The following CSMD2 variants were observed in gnomAD, a reference collection of about 807,000 sequenced individuals.
CSMD2 encodes the protein CUB and sushi domain-containing protein 2.
CSMD2 carries 130 observed loss-of-function variants against 398.5 expected under a neutral mutation model. The ratio of observed to expected loss-of-function variants is 0.33; its 90% confidence interval spans 0.28 to 0.38. CSMD2 has a LOEUF of 0.38. Ranked by LOEUF, CSMD2 falls within the 10% of genes least tolerant of loss-of-function variation. The probability of loss-of-function intolerance (pLI) is 1.00; values close to 1 mark genes in which losing one functional copy is unlikely to be tolerated. For missense variants in CSMD2, 3,829 were observed against 4,764.9 expected (o/e 0.80, Z 5.78); for synonymous variants, 1,828 against 1,908.5 (o/e 0.96, Z 1.10).
chr1:33,938,335 T>C lies in CSMD2; in HGVS notation c.518-2381A>G, dbSNP rs187881431. ...ATTCCCCTGCTGCTGGCTTGCCTGG[T>C]GTTTCCCATGATCCTGTACTGCTGC... On this transcript the variant is annotated intron_variant, in intron 3 of 70. Transcript: ENST00000373381. Among the ~76,000 whole-genome samples, 12 of 145,256 alleles carry C rather than the reference T, an allele frequency of 8.3e-5. No individual in the cohort carries two copies. In the East Asian group the frequency reaches 9.8e-4, roughly 12 times the overall value.
chr1:33,960,792 C>T (rs1239257204), intron 3 of CSMD2, among the ~76,000 whole-genome samples: 1 of 152,192 alleles, frequency 6.6e-6, no homozygotes, highest in African/African-American at 2.4e-5. Context: ...TAGCAGAAGT[C>T]TATGTATATG....
At chr1:34,154,416 T>A (rs1366945446) in intron 1 of CSMD2, among the ~76,000 whole-genome samples, 1 of 152,048 alleles carries the variant, frequency 6.6e-6, no homozygotes, top group African/African-American at 2.4e-5. Flanking sequence ...TCACACAGGG[T>A]CCCAAATGGG....
chr1:33,990,044 G>T (rs1282052964), intron 3 of CSMD2, among the ~76,000 whole-genome samples: 1 of 152,076 alleles, frequency 6.6e-6, no homozygotes, highest in Non-Finnish European at 1.5e-5. Context: ...GCTGAGGCTG[G>T]CAGATCACCT....
chr1:34,156,499 C>T (rs1640816832), intron 1 of CSMD2, among the ~76,000 whole-genome samples: 1 of 152,206 alleles, frequency 6.6e-6, no homozygotes, highest in South Asian at 2.1e-4. Flanking sequence ...ACATCCGTCA[C>T]ACTCACTTAC....
intron 5 of CSMD2, among the ~76,000 whole-genome samples, chr1:33,911,978 C>A (rs1643470779): frequency 6.6e-6 from 1 of 152,222 alleles, no homozygotes; most frequent in Non-Finnish European, 1.5e-5. Flanking sequence ...GCGCTTCCCA[C>A]CACCTCATCT....
At chr1:34,093,771 T>C (rs1372786819) in intron 1 of CSMD2, among the ~76,000 whole-genome samples, 2 of 151,998 alleles carry the variant, frequency 1.3e-5, no homozygotes, top group Non-Finnish European at 2.9e-5. Flanking sequence ...AAAGACCAAA[T>C]CTACGTCCGA....
chr1:33,605,370 G>C lies in CSMD2; in HGVS notation c.6444C>G (p.Leu2148=). The change falls in exon 42 of 71, where the codon CTC becomes CTG. Residue 2148 remains leucine (L), a synonymous_variant. Coordinates refer to ENST00000373381, the MANE Select transcript of CSMD2 (RefSeq NM_001281956.2). ...NVGQSVTFEC[L]PGYQLTGHPV... ...GGTGGCCAGTCAATTGATACCCCGG[G>C]AGGCACTCGAAGGTCACTGATTGTC... The C allele has an allele frequency of 6.2e-7, 1 of 1,614,188 alleles. No individual in the cohort carries two copies. The highest frequency in any genetic ancestry group is 8.5e-7 in the Non-Finnish European group (1 of 1,180,036).
intron 3 of CSMD2, among the ~76,000 whole-genome samples, chr1:33,981,284 C>A (rs1407374961): frequency 6.6e-6 from 1 of 152,214 alleles, no homozygotes; most frequent in Non-Finnish European, 1.5e-5. Flanking sequence ...AGTGTGCAGT[C>A]ACAGCCCCAG....
At chr1:33,582,787 CAA>C (rs1209328040) in intron 47 of CSMD2, among the ~76,000 whole-genome samples, 2 of 152,168 alleles carry the variant, frequency 1.3e-5, no homozygotes, top group African/African-American at 2.4e-5. Context: ...ACACACTTAA[CAA>C]AGTAGGAGCC....
intron 5 of CSMD2, among the ~76,000 whole-genome samples, chr1:33,890,484 C>A (rs1226266065): frequency 6.6e-6 from 1 of 152,154 alleles, no homozygotes; most frequent in Admixed American, 6.5e-5. Context: ...CCTGCCTTGG[C>A]CTCCCAAAGT....
chr1:34,089,201 A>T lies in CSMD2; in HGVS notation c.188-8T>A. 1 of 1,613,006 alleles carries T rather than the reference A, an allele frequency of 6.2e-7. No homozygotes were observed. Among genetic ancestry groups the T allele is most frequent in the Non-Finnish European group, 8.5e-7 (1 of 1,179,134 alleles). On this transcript the variant is annotated splice_region_variant and splice_polypyrimidine_tract_variant and intron_variant, in intron 1 of 70. Coordinates refer to ENST00000373381, the MANE Select transcript of CSMD2 (RefSeq NM_001281956.2). ...GGAACGTGCAGTTCTGGCCTGGGAA[A>T]GAGAAATGGAGCAGTTCAGAATAGC... is the stretch of plus-strand genomic sequence containing the variant.
intron 5 of CSMD2, among the ~76,000 whole-genome samples, chr1:33,871,214 T>C (rs1016797234): frequency 2.6e-5 from 4 of 152,208 alleles, no homozygotes; most frequent in African/African-American, 9.6e-5. Context: ...AAGAGAAGGA[T>C]AGTATCATGA....
intron 5 of CSMD2, among the ~76,000 whole-genome samples, chr1:33,871,803 G>A (rs1487948067): frequency 1.3e-5 from 2 of 152,150 alleles, no homozygotes; most frequent in Non-Finnish European, 2.9e-5. Flanking sequence ...TTTTCATAGA[G>A]ATGGGGTTTC....
intron 2 of CSMD2, among the ~76,000 whole-genome samples, chr1:34,058,851 C>T (rs1049399728): frequency 6.6e-6 from 1 of 152,154 alleles, no homozygotes; most frequent in South Asian, 2.1e-4. Flanking sequence ...GACATGAAGC[C>T]GTTTTACAAG....
intron 3 of CSMD2, among the ~76,000 whole-genome samples, chr1:33,994,219 T>C (rs909473314): frequency 1.3e-5 from 2 of 152,106 alleles, no homozygotes; most frequent in Non-Finnish European, 2.9e-5. Flanking sequence ...GTAGAATAAA[T>C]AGGACATAAT....
chr1:34,107,738 T>C (rs1426935158), intron 1 of CSMD2, among the ~76,000 whole-genome samples: 3 of 152,216 alleles, frequency 2.0e-5, no homozygotes, highest in Non-Finnish European at 2.9e-5. Flanking sequence ...TTTCCTCAAG[T>C]GTCAGTCATG....
At chr1:33,582,355 G>A (rs1638784415) in intron 47 of CSMD2, among the ~76,000 whole-genome samples, 1 of 152,180 alleles carries the variant, frequency 6.6e-6, no homozygotes, top group Non-Finnish European at 1.5e-5. Context: ...AAGCCAAGAA[G>A]AGCAGCCAAA....
intron 22 of CSMD2, among the ~76,000 whole-genome samples, chr1:33,701,797 T>C (rs1202153279): frequency 6.6e-6 from 1 of 152,184 alleles, no homozygotes; most frequent in Admixed American, 6.5e-5. Context: ...TTAGCTTAAA[T>C]TGTTACAAAA....
intron 3 of CSMD2, among the ~76,000 whole-genome samples, chr1:33,960,653 G>A (rs909269502): frequency 1.3e-5 from 2 of 152,150 alleles, no homozygotes; most frequent in Non-Finnish European, 2.9e-5. Context: ...CAGGGGCACC[G>A]CACGCATTTC....
Sources: allele counts gnomAD v4.1 joint callset (sites outside exome capture counted in the v4.1 genomes callset), GRCh38; gene constraint gnomAD v4.1.1; transcripts MANE v1.5; gene names NCBI Gene and HGNC (gene_info 2026-07-23, HGNC 2026-07-21).